Variants in NLRP1 observed in about 807,000 individuals in gnomAD.
The protein encoded by NLRP1 is NACHT, LRR and PYD domains-containing protein 1.
NLRP1 carries 94 observed loss-of-function variants against 136.7 expected under a neutral mutation model. The observed-to-expected ratio is 0.69, with a 90% confidence interval of 0.58 to 0.82. The LOEUF (loss-of-function observed/expected upper bound fraction) is 0.82, where lower values mean the gene tolerates loss of function less well. Among genes scored for constraint, NLRP1 ranks in the 40% least tolerant of loss-of-function variants. The pLI is 0.00. For synonymous variants in NLRP1, 690 were observed against 725.1 expected, an observed-to-expected ratio of 0.95 and a Z score of 0.78; for missense variants, 1,575 against 1,802.7, an observed-to-expected ratio of 0.87 and a Z score of 2.29.
In NLRP1 at chr17:5,582,852, G is replaced by C. The variant is rs778550355; in HGVS notation, c.272-6C>G. ...GGGGAATGAGGGAGAGTGGCCTACA[G>C]GAAAGAGACAAAGAGGTTGGAGACA... On this transcript the variant is annotated splice_region_variant and splice_polypyrimidine_tract_variant and intron_variant, in intron 1 of 16. Coordinates refer to ENST00000572272, the MANE Select transcript of NLRP1 (RefSeq NM_033004.4). 3 of 1,598,472 alleles carry C rather than the reference G, an allele frequency of 1.9e-6. No homozygotes were observed. The highest frequency in any genetic ancestry group is 2.6e-6 in the Non-Finnish European group (3 of 1,172,040).
chr17:5,580,713 C>T (rs1905544856), intron 3 of NLRP1, among the ~76,000 whole-genome samples: 2 of 151,970 alleles, frequency 1.3e-5, no homozygotes, highest in African/African-American at 4.8e-5. Context: ...TATATTCTTC[C>T]TATCTTCCTT....
chr17:5,528,487 G>A (rs1909837217), intron 12 of NLRP1, among the ~76,000 whole-genome samples: 1 of 152,144 alleles, frequency 6.6e-6, no homozygotes, highest in Non-Finnish European at 1.5e-5. Context: ...GGATCCTGAG[G>A]CCCCCGGGAC....
chr17:5,578,218 A>G (rs976755595), intron 3 of NLRP1, among the ~76,000 whole-genome samples: 1 of 152,258 alleles, frequency 6.6e-6, no homozygotes, highest in Non-Finnish European at 1.5e-5. Flanking sequence ...TTCATGTCTA[A>G]AACATTCAAA....
chr17:5,535,118 G>T (rs1910867480), intron 8 of NLRP1, among the ~76,000 whole-genome samples: 1 of 152,128 alleles, frequency 6.6e-6, no homozygotes, highest in Non-Finnish European at 1.5e-5. Flanking sequence ...TACTCTGGAG[G>T]CTGAGGCATA....
rs1325095621 is a variant in NLRP1 at position 5,537,078 on chromosome 17, A to G, written c.2871-138T>C. 2 of 637,752 alleles carry G rather than the reference A, an allele frequency of 3.1e-6. No homozygotes were observed. Among genetic ancestry groups the G allele is most frequent in the Non-Finnish European group, 5.7e-6 (2 of 350,032 alleles). 39.5% of individuals were successfully genotyped at this position (637,752 alleles called of 1,614,324 possible). A position where few individuals can be genotyped will look rare whatever the true frequency, so the allele number is the denominator to read the frequency against. ...GTTCCCTGGAAGCCAGGCTCTGAGG[A>G]GGAGGGTACAGTGAGGAGATTCATT... On this transcript the variant is annotated intron_variant, in intron 7 of 16. Transcript: ENST00000572272. The surrounding 1 kb of genome is among the most constrained non-coding windows in gnomAD (Gnocchi z 4.5).
rs1223187077 is a variant in NLRP1, at chr17:5,533,637, G to A, written c.3053-253C>T. Among the ~76,000 whole-genome samples the A allele has an allele frequency of 3.3e-5, 5 of 150,544 alleles. No homozygotes were observed. In the East Asian group the frequency reaches 7.8e-4, roughly 24 times the overall value. On this transcript the variant is annotated intron_variant, in intron 9 of 16. Transcript: ENST00000572272. ...GCCTTAGCAGCCAAGAATGGAAGAG[G>A]CCGGACCCCGGTTCAGGGTTTGATA... is the stretch of plus-strand genomic sequence containing the variant.
At chr17:5,580,094 G>C (rs1905446223) in intron 3 of NLRP1, among the ~76,000 whole-genome samples, 1 of 152,028 alleles carries the variant, frequency 6.6e-6, no homozygotes, top group African/African-American at 2.4e-5. Flanking sequence ...AATTAGCAGG[G>C]CTTCGTGGCG....
chr17:5,572,730 G>T (rs1016240975), intron 3 of NLRP1, among the ~76,000 whole-genome samples: 11 of 141,140 alleles, frequency 7.8e-5, no homozygotes, highest in Non-Finnish European at 1.4e-4. Context: ...AAAAAAAAAA[G>T]TGGACAAAGG....
intron 3 of NLRP1, among the ~76,000 whole-genome samples, chr17:5,574,468 T>C (rs1181736817): frequency 1.3e-5 from 2 of 152,092 alleles, no homozygotes; most frequent in African/African-American, 4.8e-5. Context: ...ACCACAAAGA[T>C]ACTCCTTAAG....
At chr17:5,571,900 CACAT>C (rs1169950032) in intron 3 of NLRP1, among the ~76,000 whole-genome samples, 1 of 152,128 alleles carries the variant, frequency 6.6e-6, no homozygotes, top group Non-Finnish European at 1.5e-5. Flanking sequence ...CAAAAACAGA[CACAT>C]AGACCAATGG....
rs1262169938 is a variant in NLRP1 at position 5,582,012 on chromosome 17, C to T, written c.499G>A (p.Glu167Lys). Reference protein sequence around the residue: ...YQALPSSPDHESPSQESPNAP... With the variant: ...YQALPSSPDHKSPSQESPNAP... Reference sequence around the variant, plus strand: ...TTGGGTGACTCCTGGCTTGGAGACTCATGGTCTGGGGAGCTTGGAAGAGCT... The same window carrying T: ...TTGGGTGACTCCTGGCTTGGAGACTTATGGTCTGGGGAGCTTGGAAGAGCT... The change falls in exon 3 of 17, where the codon GAG (glutamate) becomes AAG (lysine). Residue 167 changes from glutamate (E) to lysine (K), a missense_variant. Glu to Lys is a moderately conservative substitution (Grantham distance 56). Transcript: ENST00000572272. 11 of 1,613,778 alleles carry T rather than the reference C, an allele frequency of 6.8e-6. No individual in the cohort carries two copies. Among genetic ancestry groups the T allele is most frequent in the Admixed American group, 3.3e-5 (2 of 59,946 alleles).
At chr17:5,558,243 C>T in intron 4 of NLRP1, 96 bp downstream of exon 4, 7 of 1,379,542 alleles carry the variant, frequency 5.1e-6, no homozygotes, top group Non-Finnish European at 5.9e-6. Context: ...CACCCCCACC[C>T]CCGGCCAGGC....
At chr17:5,573,068 C>T (rs1904590787) in intron 3 of NLRP1, among the ~76,000 whole-genome samples, 1 of 152,168 alleles carries the variant, frequency 6.6e-6, no homozygotes, top group South Asian at 2.1e-4. Context: ...CCTTTCCTAG[C>T]CAAGGGAAGC....
intron 5 of NLRP1, among the ~76,000 whole-genome samples, chr17:5,550,400 T>G (rs76826282): frequency 0.047 from 7,177 of 152,278 alleles, 192 homozygotes; most frequent in Middle Eastern, 0.079. Context: ...TAAGATTTTG[T>G]ATTTCTTATT....
intron 5 of NLRP1, among the ~76,000 whole-genome samples, chr17:5,547,514 T>A (rs1444923264): frequency 6.6e-6 from 1 of 152,222 alleles, no homozygotes; most frequent in Non-Finnish European, 1.5e-5. Context: ...GAAATAGTTG[T>A]CCCTGCTCTG....
At chr17:5,578,794 A>G (rs957849969) in intron 3 of NLRP1, among the ~76,000 whole-genome samples, 3 of 152,234 alleles carry the variant, frequency 2.0e-5, no homozygotes, top group African/African-American at 7.2e-5. Context: ...TCATGCTGCT[A>G]TAAAGACACA....
chr17:5,504,610 ACT>A lies in NLRP1; in HGVS notation c.4070-2740_4070-2739del, dbSNP rs1418347888. The A allele has an allele frequency of 2.0e-5, 3 of 149,198 alleles. No individual in the cohort carries two copies. The East Asian group carries it at 6.1e-4, about 30-fold the overall frequency. The allele number at this position is 149,198 out of a possible 1,614,324, so 9.2% of individuals were successfully genotyped here. ...ACACCAGCCTGGGTGATAGACTGAG[ACT>A]CTGTCTCAAAAAAATTAGAATAGAA... On this transcript the variant is annotated intron_variant, in intron 15 of 15. Coordinates refer to the NLRP1 transcript ENST00000262467. This position sits in a 1 kb window ranked among gnomAD's most constrained non-coding sequence, Gnocchi z 4.4.
At chr17:5,518,888 G>T (rs2151738173) in intron 14 of NLRP1, among the ~76,000 whole-genome samples, 1 of 150,318 alleles carries the variant, frequency 6.7e-6, no homozygotes, top group Admixed American at 6.6e-5. Flanking sequence ...GACCAGGTTG[G>T]AGTGCAGTGG....
intron 2 of NLRP1, among the ~76,000 whole-genome samples, chr17:5,582,327 C>T (rs753883351): frequency 2.0e-5 from 3 of 152,078 alleles, no homozygotes; most frequent in Non-Finnish European, 2.9e-5. Flanking sequence ...TTCTGGACCA[C>T]CCTGACCCTA....
Sources: allele counts gnomAD v4.1 joint callset (sites outside exome capture counted in the v4.1 genomes callset), GRCh38; gene constraint gnomAD v4.1.1; non-coding constraint Gnocchi (gnomAD v3.1); transcripts MANE v1.5; gene names NCBI Gene and HGNC (gene_info 2026-07-23, HGNC 2026-07-21).